RPTOR: variants seen among roughly 807,000 people sequenced by gnomAD.
RPTOR encodes the protein regulatory associated protein of MTOR complex 1.
Under a neutral mutation model 169.9 loss-of-function variants are expected in RPTOR, and 21 were observed. That is an observed-to-expected ratio of 0.12 (90% CI 0.09 to 0.18). RPTOR has a LOEUF of 0.18. Ranked by LOEUF, RPTOR falls within the 10% of genes least tolerant of loss-of-function variation. RPTOR has a pLI of 1.00. For synonymous variants in RPTOR, 732 were observed against 753.2 expected (o/e 0.97, Z 0.46); for missense variants, 1,133 against 1,855.9 (o/e 0.61, Z 7.16).
rs2067535626 is a variant in RPTOR at position 80,833,966 on chromosome 17, G to A, written c.1137-3956G>A. On this transcript the variant is annotated intron_variant, in intron 9 of 33. Transcript: ENST00000306801. ...ATCGCACCACTGCGCTCCAGCATAGGTGACAGAGTGAGACTCCGTCTCAAA... is the reference window on the plus strand; with the variant it reads ...ATCGCACCACTGCGCTCCAGCATAGATGACAGAGTGAGACTCCGTCTCAAA... Among the ~76,000 whole-genome samples, 2 of 152,246 alleles carry A rather than the reference G, an allele frequency of 1.3e-5. 1 individual carries two copies. The highest frequency in any genetic ancestry group is 4.1e-4 in the South Asian group (2 of 4,826).
chr17:80,939,355 A>C (rs889727653), intron 24 of RPTOR, among the ~76,000 whole-genome samples: 29 of 152,250 alleles, frequency 1.9e-4, no homozygotes, highest in African/African-American at 6.5e-4. Context: ...GCACACACAC[A>C]GACACATGCA....
intron 7 of RPTOR, among the ~76,000 whole-genome samples, chr17:80,799,069 C>T (rs1257396484): frequency 6.6e-6 from 1 of 152,230 alleles, no homozygotes; most frequent in African/African-American, 2.4e-5. Flanking sequence ...CCCTCCCGAG[C>T]GTGATATGAC....
At position 80,860,299 on chromosome 17, in the gene RPTOR, G is replaced by T. The variant is rs1023580729; in HGVS notation, c.1509+2399G>T. 1.3e-5 allele frequency among the ~76,000 whole-genome samples: 2 copies of T among 152,206 alleles called. No individual in the cohort carries two copies. Among genetic ancestry groups the T allele is most frequent in the Non-Finnish European group, 2.9e-5 (2 of 68,026 alleles). On this transcript the variant is annotated intron_variant, in intron 13 of 33. Coordinates refer to ENST00000306801, the MANE Select transcript of RPTOR (RefSeq NM_020761.3). This position sits in a 1 kb window ranked among gnomAD's most constrained non-coding sequence, Gnocchi z 5.8. ...TTCAGCCAAATTCACTGACCCTGTT[G>T]TCCAGGCACTGGCAGGCACCCCGAG...
rs1229187853 is a variant in RPTOR at position 80,844,712 on chromosome 17, C to T, written c.1213-1761C>T. On this transcript the variant is annotated intron_variant, in intron 10 of 33. Coordinates refer to ENST00000306801, the MANE Select transcript of RPTOR (RefSeq NM_020761.3). The surrounding 1 kb of genome is among the most constrained non-coding windows in gnomAD (Gnocchi z 4.7). ...CCACGGGGCTCTGCCCGCCAGGCTCCTCTGTGGAGGCTGCCGAGAGCGCTC... is the reference window on the plus strand; with the variant it reads ...CCACGGGGCTCTGCCCGCCAGGCTCTTCTGTGGAGGCTGCCGAGAGCGCTC... Among the ~76,000 whole-genome samples the T allele has an allele frequency of 6.6e-6, 1 of 152,214 alleles. No homozygotes were observed. Among genetic ancestry groups the T allele is most frequent in the Admixed American group, 6.5e-5 (1 of 15,288 alleles).
chr17:80,922,750 C>A lies in RPTOR; in HGVS notation c.2547C>A (p.Arg849=), dbSNP rs369153067. 6.3e-6 allele frequency: 10 copies of A among 1,589,006 alleles called. No individual in the cohort carries two copies. In the African/African-American group the frequency reaches 1.1e-4, roughly 17 times the overall value. Residue 849 remains arginine, a synonymous_variant, in exon 22 of 34, where the codon CGC becomes CGA. Coordinates refer to ENST00000306801, the MANE Select transcript of RPTOR (RefSeq NM_020761.3). ...YKATVNARPQ[R]VLDTSSLTQS... ...CCACCGTGAACGCCCGGCCGCAGCG[C>A]GTCCTGGACACCTCCTCCCTCACGC...
intron 1 of RPTOR, among the ~76,000 whole-genome samples, chr17:80,622,132 C>T (rs895614522): frequency 6.6e-6 from 1 of 152,202 alleles, no homozygotes; most frequent in Non-Finnish European, 1.5e-5. Flanking sequence ...CTTCCCTTCC[C>T]ACAGAGGGAC....
At chr17:80,631,094 C>T (rs183815603) in intron 2 of RPTOR, among the ~76,000 whole-genome samples, 2 of 152,280 alleles carry the variant, frequency 1.3e-5, no homozygotes, top group Admixed American at 1.3e-4. Context: ...GGCTGTTTTG[C>T]ACCTTCCCTC....
At chr17:80,838,943 G>A (rs904969085) in intron 10 of RPTOR, among the ~76,000 whole-genome samples, 2 of 152,258 alleles carry the variant, frequency 1.3e-5, no homozygotes, top group Non-Finnish European at 2.9e-5. Flanking sequence ...GCCCAGCACA[G>A]GGCCCTTGGG....
intron 1 of RPTOR, among the ~76,000 whole-genome samples, chr17:80,576,596 T>A (rs2064965511): frequency 1.3e-5 from 2 of 152,230 alleles, no homozygotes; most frequent in Non-Finnish European, 2.9e-5. Context: ...GTCTCAGAAC[T>A]TTCCTATGGG....
chr17:80,668,489 A>C (rs1254854761), intron 3 of RPTOR, among the ~76,000 whole-genome samples: 9 of 152,332 alleles, frequency 5.9e-5, no homozygotes, highest in Non-Finnish European at 1.5e-5. Context: ...AGAGTCGGCC[A>C]TGGCCATTCT....
At chr17:80,654,748 T>C (rs886245788) in intron 3 of RPTOR, among the ~76,000 whole-genome samples, 2 of 152,196 alleles carry the variant, frequency 1.3e-5, no homozygotes, top group Non-Finnish European at 2.9e-5. Flanking sequence ...AAATCTTAGC[T>C]GAAGTCCAAT....
chr17:80,896,379 G>GCCGCGCCGACACCCCACA (rs2068400579), intron 20 of RPTOR, among the ~76,000 whole-genome samples: 2 of 99,528 alleles, frequency 2.0e-5, no homozygotes, highest in East Asian at 2.9e-4. Flanking sequence ...GACACCCCAC[G>GCCGCGCCGACACCCCACA]CGGCCTCGCT....
intron 5 of RPTOR, among the ~76,000 whole-genome samples, chr17:80,741,482 C>T (rs2066481366): frequency 6.6e-6 from 1 of 152,230 alleles, no homozygotes; most frequent in South Asian, 2.1e-4. Flanking sequence ...TTAAAGGCAA[C>T]ACCAGTGTTT....
intron 3 of RPTOR, among the ~76,000 whole-genome samples, chr17:80,705,865 CCCTCCTCAGGGTGTGT>C (rs1387861764): frequency 6.6e-6 from 1 of 152,006 alleles, no homozygotes; most frequent in East Asian, 1.9e-4. Context: ...GAATGGTGTG[CCCTCCTCAGGGTGTGT>C]CCTCTCTGCT....
chr17:80,861,507 A>T lies in RPTOR; in HGVS notation c.1509+3607A>T, dbSNP rs1298340604. Among the ~76,000 whole-genome samples, 1 of 106,260 alleles carries T rather than the reference A, an allele frequency of 9.4e-6. No homozygotes were observed. Among genetic ancestry groups the T allele is most frequent in the Non-Finnish European group, 2.4e-5 (1 of 41,146 alleles). The allele number at this position is 106,260 out of a possible 152,430, so 69.7% of individuals were successfully genotyped here. On this transcript the variant is annotated intron_variant, in intron 13 of 33. Transcript: ENST00000306801. The surrounding 1 kb of genome is among the most constrained non-coding windows in gnomAD (Gnocchi z 4.5). ...TGTAAACAAAGGGTGTTTGGCAGGAAGTCATTTTGAAACGTGGTTTCTGTC... is the reference window on the plus strand; with the variant it reads ...TGTAAACAAAGGGTGTTTGGCAGGATGTCATTTTGAAACGTGGTTTCTGTC...
intron 1 of RPTOR, chr17:80,593,917 G>A (rs1335275272): frequency 7.2e-5 from 11 of 152,154 alleles, no homozygotes; most frequent in Admixed American, 5.2e-4. Context: ...GGGAAGGGGC[G>A]TCTTTGGACT....
At chr17:80,851,717 C>A (rs981867462) in intron 11 of RPTOR, among the ~76,000 whole-genome samples, 3 of 152,202 alleles carry the variant, frequency 2.0e-5, no homozygotes, top group African/African-American at 7.2e-5. Context: ...TGATTGTGAA[C>A]CAGCGTCCCG....
chr17:80,604,462 T>A, intron 1 of RPTOR, among the ~76,000 whole-genome samples: 1 of 152,210 alleles, frequency 6.6e-6, no homozygotes, highest in East Asian at 1.9e-4. Flanking sequence ...GACAAAATAA[T>A]GAGTTAGTCT....
intron 6 of RPTOR, among the ~76,000 whole-genome samples, chr17:80,778,230 C>T (rs998009827): frequency 3.9e-5 from 6 of 152,160 alleles, no homozygotes; most frequent in African/African-American, 1.4e-4. Context: ...TGTTAGGAGC[C>T]TGATGTTAAT....
Sources: allele counts gnomAD v4.1 joint callset (sites outside exome capture counted in the v4.1 genomes callset), GRCh38; gene constraint gnomAD v4.1.1; non-coding constraint Gnocchi (gnomAD v3.1); transcripts MANE v1.5; gene names NCBI Gene and HGNC (gene_info 2026-07-23, HGNC 2026-07-21).